The following STK10 variants were observed in gnomAD, a reference collection of about 807,000 sequenced individuals.
STK10 encodes the protein serine/threonine kinase 10.
A neutral mutation model predicts 113.8 loss-of-function variants in STK10; 78 were observed. That is an observed-to-expected ratio of 0.69 (90% CI 0.57 to 0.83). The LOEUF is 0.83. Ranked by LOEUF, STK10 falls within the 40% of genes least tolerant of loss-of-function variation. STK10 has a pLI of 0.00. For synonymous variants in STK10, 465 were observed against 494.7 expected, an observed-to-expected ratio of 0.94 and a Z score of 0.80; for missense variants, 1,109 against 1,280.1, an observed-to-expected ratio of 0.87 and a Z score of 2.04.
In STK10 at chr5:172,072,827, G is replaced by A. The variant is rs957008846; in HGVS notation, c.1990-8015C>T. Among the ~76,000 whole-genome samples, 12 of 152,086 alleles carry A rather than the reference G, an allele frequency of 7.9e-5. 1 individual carries two copies. The highest frequency in any genetic ancestry group is 7.7e-4 in the East Asian group (4 of 5,200). Reference sequence around the variant, plus strand: ...AGATTGAAAAGGAAGCAATAAGACCGTTTCTATTTGTAGATATGATGTCTA... The same window carrying A: ...AGATTGAAAAGGAAGCAATAAGACCATTTCTATTTGTAGATATGATGTCTA... On this transcript the variant is annotated intron_variant, in intron 12 of 18. Transcript: ENST00000176763.
In STK10 at chr5:172,187,740, A is replaced by T. The variant is rs760827013; in HGVS notation, c.156+147T>A. 10 of 1,242,810 alleles carry T rather than the reference A, an allele frequency of 8.0e-6. No individual in the cohort carries two copies. Among genetic ancestry groups the T allele is most frequent in the Non-Finnish European group, 1.1e-5 (10 of 916,882 alleles). 77.0% of individuals were successfully genotyped at this position (1,242,810 alleles called of 1,614,324 possible). A position where few individuals can be genotyped will look rare whatever the true frequency, so the allele number is the denominator to read the frequency against. On this transcript the variant is annotated intron_variant, in intron 1 of 18. Coordinates refer to ENST00000176763, the MANE Select transcript of STK10 (RefSeq NM_005990.4). The surrounding 1 kb of genome is among the most constrained non-coding windows in gnomAD (Gnocchi z 4.6). ...CGAGTGATGTTCCCCCCAAAAAACA[A>T]GAGTCATCGGGATGAGGGCCAGGGA...
chr5:172,095,531 G>A (rs1768829102), intron 8 of STK10, among the ~76,000 whole-genome samples: 1 of 152,224 alleles, frequency 6.6e-6, no homozygotes, highest in Non-Finnish European at 1.5e-5. Context: ...CTGGAGCTTG[G>A]TTACCCTGTG....
intron 1 of STK10, among the ~76,000 whole-genome samples, chr5:172,168,964 C>A (rs1332243367): frequency 6.6e-6 from 1 of 152,146 alleles, no homozygotes; most frequent in African/African-American, 2.4e-5. Context: ...GCACTCACAC[C>A]CTCATGACCT....
At chr5:172,053,522 A>G (rs1767677958) in intron 17 of STK10, among the ~76,000 whole-genome samples, 1 of 152,242 alleles carries the variant, frequency 6.6e-6, no homozygotes, top group Admixed American at 6.5e-5. Flanking sequence ...AATGAGGGTC[A>G]CTGACATGGG....
chr5:172,107,807 C>T lies in STK10; in HGVS notation c.566G>A (p.Arg189Gln), dbSNP rs1262315527. The T allele has an allele frequency of 1.2e-6, 2 of 1,614,178 alleles. No individual in the cohort carries two copies. The highest frequency in any genetic ancestry group is 3.3e-5 in the Admixed American group (2 of 60,004). Residue 189 changes from arginine to glutamine, a missense_variant, in exon 5 of 19, where the codon CGA (arginine) becomes CAA (glutamine). Coordinates refer to ENST00000176763, the MANE Select transcript of STK10 (RefSeq NM_005990.4). ...SAKNLKTLQK[R>Q]DSFIGTPYWM... is the part of the protein sequence containing the mutation. ...GTAAGGCGTGCCGATGAAGGAATCT[C>T]GTTTCTGTAGAGTCTTCAGATTCTT...
At chr5:172,062,373 C>A (rs1381569373) in intron 13 of STK10, among the ~76,000 whole-genome samples, 1 of 152,202 alleles carries the variant, frequency 6.6e-6, no homozygotes, top group Non-Finnish European at 1.5e-5. Flanking sequence ...TATGTCTATA[C>A]AAGTGTATCT....
chr5:172,045,970 G>A (rs994362701), intron 18 of STK10, among the ~76,000 whole-genome samples: 42 of 151,586 alleles, frequency 2.8e-4, no homozygotes, highest in Admixed American at 2.4e-3. Flanking sequence ...GATTACAGGC[G>A]TGAGCCACCG....
chr5:172,153,859 T>C (rs768715763), intron 2 of STK10, among the ~76,000 whole-genome samples: 17 of 152,194 alleles, frequency 1.1e-4, no homozygotes, highest in Non-Finnish European at 1.9e-4. Flanking sequence ...CCTTCTCTTA[T>C]CTCCCCAGAG....
chr5:172,117,251 C>T (rs966739194), intron 4 of STK10, among the ~76,000 whole-genome samples: 1 of 152,082 alleles, frequency 6.6e-6, no homozygotes, highest in African/African-American at 2.4e-5. Flanking sequence ...TGCACTCCAG[C>T]CTGGGTGACA....
intron 2 of STK10, among the ~76,000 whole-genome samples, chr5:172,138,362 T>C (rs1026222276): frequency 2.0e-5 from 3 of 152,142 alleles, no homozygotes; most frequent in Non-Finnish European, 4.4e-5. Flanking sequence ...GACCTTGTGA[T>C]CCGCCCACCT....
chr5:172,084,289 A>G (rs1345396615), intron 10 of STK10, among the ~76,000 whole-genome samples: 1 of 152,076 alleles, frequency 6.6e-6, no homozygotes, highest in Admixed American at 6.6e-5. Context: ...AATCCCAGCT[A>G]CTTAAGAGGC....
At chr5:172,098,510 G>T (rs982079476) in intron 7 of STK10, among the ~76,000 whole-genome samples, 2 of 152,178 alleles carry the variant, frequency 1.3e-5, no homozygotes, top group Non-Finnish European at 2.9e-5. Flanking sequence ...TGCAGAGGAA[G>T]GATGGGCCGT....
chr5:172,160,729 A>C (rs1366578378), intron 1 of STK10, among the ~76,000 whole-genome samples: 1 of 152,160 alleles, frequency 6.6e-6, no homozygotes, highest in Admixed American at 6.5e-5. Context: ...TATGGATGAC[A>C]ATGAGCATTC....
At chr5:172,068,061 C>T (rs1768106100) in intron 12 of STK10, among the ~76,000 whole-genome samples, 1 of 152,206 alleles carries the variant, frequency 6.6e-6, no homozygotes, top group South Asian at 2.1e-4. Context: ...GAAAGAAGGG[C>T]CGGGCGCGGT....
intron 1 of STK10, among the ~76,000 whole-genome samples, chr5:172,186,725 G>A (rs1308289762): frequency 2.0e-5 from 3 of 152,200 alleles, no homozygotes; most frequent in African/African-American, 4.8e-5. Context: ...TTATTAAAAC[G>A]TAGACTCTAA....
chr5:172,074,201 G>T (rs1205822151), intron 12 of STK10, among the ~76,000 whole-genome samples: 2 of 151,958 alleles, frequency 1.3e-5, no homozygotes, highest in African/African-American at 4.8e-5. Context: ...TGATTCTAAG[G>T]TTTATATAGA....
intron 2 of STK10, among the ~76,000 whole-genome samples, chr5:172,147,422 T>G (rs1437037049): frequency 6.6e-6 from 1 of 151,940 alleles, no homozygotes; most frequent in Non-Finnish European, 1.5e-5. Context: ...GACAGAGTCT[T>G]GCTCTGTCGT....
intron 4 of STK10, among the ~76,000 whole-genome samples, chr5:172,116,770 A>G (rs1386874290): frequency 1.3e-5 from 2 of 152,104 alleles, no homozygotes; most frequent in Non-Finnish European, 2.9e-5. Context: ...CAGGAGGCTG[A>G]GGCAGGAGAA....
chr5:172,053,384 C>A (rs1211687739), intron 17 of STK10, among the ~76,000 whole-genome samples: 1 of 152,054 alleles, frequency 6.6e-6, no homozygotes, highest in African/African-American at 2.4e-5. Context: ...TGATCTCAGA[C>A]TTCCAGCCTT....
Sources: allele counts gnomAD v4.1 joint callset (sites outside exome capture counted in the v4.1 genomes callset), GRCh38; gene constraint gnomAD v4.1.1; non-coding constraint Gnocchi (gnomAD v3.1); transcripts MANE v1.5; gene names NCBI Gene and HGNC (gene_info 2026-07-23, HGNC 2026-07-21).